The following OR1F1 variants were observed in gnomAD, a reference collection of about 807,000 sequenced individuals.
OR1F1 encodes olfactory receptor 1F1.
For missense variants in OR1F1, 493 were observed against 376.3 expected, an observed-to-expected ratio of 1.31 and a Z score of -2.57; for synonymous variants, 184 against 156.7, an observed-to-expected ratio of 1.17 and a Z score of -1.30.
At chr16:3,196,052 G>C in the OR1F1 span, among the ~76,000 whole-genome samples, 1 of 152,262 alleles carries the variant, frequency 6.6e-6, no homozygotes, top group Non-Finnish European at 1.5e-5. Context: ...CTCCTGGGAA[G>C]GGCAGGACCC....
chr16:3,206,307 C>T (rs964517768), downstream of OR1F1, among the ~76,000 whole-genome samples: 12 of 152,188 alleles, frequency 7.9e-5, no homozygotes, highest in Non-Finnish European at 5.9e-5. Flanking sequence ...CAAGACAATA[C>T]GTGCACAGCT....
At chr16:3,194,399 T>C in the OR1F1 span, among the ~76,000 whole-genome samples, 2 of 152,220 alleles carry the variant, frequency 1.3e-5, no homozygotes, top group African/African-American at 4.8e-5. Context: ...GGATGTTTTA[T>C]TGCAGTAATT....
At chr16:3,194,747 G>A in the OR1F1 span, among the ~76,000 whole-genome samples, 1 of 152,216 alleles carries the variant, frequency 6.6e-6, no homozygotes, top group East Asian at 1.9e-4. Flanking sequence ...GGGCACTTGC[G>A]GAATTGGAAG....
chr16:3,194,225 C>A, the OR1F1 span, among the ~76,000 whole-genome samples: 1 of 152,118 alleles, frequency 6.6e-6, no homozygotes, highest in Non-Finnish European at 1.5e-5. Flanking sequence ...CAATGTACAG[C>A]TTTTGTATAT....
chr16:3,199,991 A>G (rs8061852), upstream of OR1F1, among the ~76,000 whole-genome samples: 41,853 of 151,408 alleles, frequency 0.28, 6,452 homozygotes, highest in African/African-American at 0.42. Context: ...ACTGCACCCC[A>G]GGCAACAAGA....
chr16:3,188,888 C>T, the OR1F1 span, among the ~76,000 whole-genome samples: 1 of 152,200 alleles, frequency 6.6e-6, no homozygotes, highest in African/African-American at 2.4e-5. Flanking sequence ...GTCCCGCCAG[C>T]TCCCCCCAGT....
chr16:3,199,421 T>C (rs1596323749), upstream of OR1F1, among the ~76,000 whole-genome samples: 1 of 152,120 alleles, frequency 6.6e-6, no homozygotes, highest in African/African-American at 2.4e-5. Context: ...GGTAAGAGGA[T>C]TGCTTGAGCC....
In OR1F1 at chr16:3,205,144, G is replaced by A. The variant is rs560766875; in HGVS notation, c.898G>A (p.Ala300Thr). The change falls in exon 1 of 1, where the codon GCT becomes ACT. Residue 300 changes from alanine to threonine, a missense_variant. Ala to Thr is a moderately conservative substitution (Grantham distance 58). Coordinates refer to ENST00000304646, the Ensembl canonical transcript of OR1F1. ...CCTGAGGAACAGGTACTTGAAAGGG[G>A]CTCTGAAAAAAGTAGTTGGCAGGGT... 2.5e-6 allele frequency: 4 copies of A among 1,611,854 alleles called. No individual in the cohort carries two copies. The African/African-American group carries it at 4.0e-5, about 16-fold the overall frequency.
chr16:3,197,370 A>T, the OR1F1 span, among the ~76,000 whole-genome samples: 1 of 152,154 alleles, frequency 6.6e-6, no homozygotes, highest in Non-Finnish European at 1.5e-5. Flanking sequence ...TTATGTCACA[A>T]GTAATCAATA....
upstream of OR1F1, among the ~76,000 whole-genome samples, chr16:3,202,660 A>AAATAATAATAAT (rs3064190): frequency 7.1e-6 from 1 of 141,834 alleles, no homozygotes; most frequent in Non-Finnish European, 1.5e-5. Flanking sequence ...TTCCATCTCA[A>AAATAATAATAAT]AATAATAATA....
At chr16:3,188,470 C>G in the OR1F1 span, 1 of 152,284 alleles carries the variant, frequency 6.6e-6, no homozygotes, top group Non-Finnish European at 1.5e-5. Context: ...TATGGCTGCT[C>G]CAGTCCCAGG....
chr16:3,204,466 T>C, exon 1 of OR1F1: 1 of 1,614,098 alleles, frequency 6.2e-7, no homozygotes, highest in Non-Finnish European at 8.5e-7. Flanking sequence ...CATCTGCTTC[T>C]CCTTCACCAC....
rs540439560 is a variant in OR1F1 at position 3,204,310 on chromosome 16, C to T, written c.64C>T (p.Gln22Ter). The stretch of plus-strand genomic sequence containing the variant: ...CCTCCTGGGACTCTCCAGGCAGCCC[C>T]AGCAGCAGCATCTCCTCTTTGTGTT... The change falls in exon 1 of 1, where the codon CAG (glutamine) becomes TAG (stop). Residue 22 changes from glutamine (Q) to a stop codon, truncating the protein, a stop_gained. Coordinates refer to ENST00000304646, the Ensembl canonical transcript of OR1F1. LOFTEE classifies it low-confidence loss of function (END_TRUNC). 6 of 1,614,032 alleles carry T rather than the reference C, an allele frequency of 3.7e-6. No homozygotes were observed. The African/African-American group carries it at 6.7e-5, about 18-fold the overall frequency.
At chr16:3,205,340 G>C (rs1362464125), downstream of OR1F1, among the ~76,000 whole-genome samples, 1 of 152,076 alleles carries the variant, frequency 6.6e-6, no homozygotes, top group Non-Finnish European at 1.5e-5. Flanking sequence ...TTTTGAGACA[G>C]GGTCATGCTC....
the OR1F1 span, chr16:3,188,358 G>C: frequency 2.0e-5 from 3 of 151,710 alleles, no homozygotes; most frequent in Non-Finnish European, 1.5e-5. Flanking sequence ...GCGGTTAAAG[G>C]AGACGACCCC....
At chr16:3,198,134 G>GGAGGGAGAGA in the OR1F1 span, among the ~76,000 whole-genome samples, 110 of 112,108 alleles carry the variant, frequency 9.8e-4, 2 homozygotes, top group East Asian at 2.6e-3. Flanking sequence ...AGAGGGAGAA[G>GGAGGGAGAGA]GAGGGAGAGA....
At chr16:3,204,432 C>A in exon 1 of OR1F1, 1 of 1,614,178 alleles carries the variant, frequency 6.2e-7, no homozygotes, top group Non-Finnish European at 8.5e-7. Flanking sequence ...TGTACTTCTT[C>A]CTCAGCAACC....
At chr16:3,195,696 A>T in the OR1F1 span, among the ~76,000 whole-genome samples, 1 of 147,628 alleles carries the variant, frequency 6.8e-6, no homozygotes, top group Admixed American at 6.8e-5. Context: ...AAAAAAAAAG[A>T]AGTGAAGACC....
At chr16:3,198,740 G>A in the OR1F1 span, among the ~76,000 whole-genome samples, 1 of 152,098 alleles carries the variant, frequency 6.6e-6, no homozygotes, top group Non-Finnish European at 1.5e-5. Context: ...TGGAATCCCA[G>A]CATTTTGAGA....
Sources: allele counts gnomAD v4.1 joint callset (sites outside exome capture counted in the v4.1 genomes callset), GRCh38; gene constraint gnomAD v4.1.1; transcripts MANE v1.5; gene names NCBI Gene and HGNC (gene_info 2026-07-23, HGNC 2026-07-21).